ESRRG: variants seen among roughly 807,000 people sequenced by gnomAD.
The protein encoded by ESRRG is estrogen related receptor gamma, also known as estrogen-related receptor gamma.
A neutral mutation model predicts 44.0 loss-of-function variants in ESRRG; 13 were observed. The ratio of observed to expected loss-of-function variants is 0.30; its 90% CI spans 0.19 to 0.47. ESRRG has a LOEUF of 0.47. Among genes scored for constraint, ESRRG ranks in the 20% least tolerant of loss-of-function variants. ESRRG has a pLI of 1.00. For synonymous variants in ESRRG, 215 were observed against 214.6 expected, an observed-to-expected ratio of 1.00 and a Z score of -0.02; for missense variants, 395 against 580.6, an observed-to-expected ratio of 0.68 and a Z score of 3.29.
chr1:216,971,775 A>T (rs1456487589), intron 1 of ESRRG, among the ~76,000 whole-genome samples: 1 of 152,210 alleles, frequency 6.6e-6, no homozygotes, highest in Admixed American at 6.5e-5. Context: ...AGCTCAAAAC[A>T]CACACACATA....
At chr1:217,108,941 C>G (rs1443374736) in intron 1 of ESRRG, among the ~76,000 whole-genome samples, 1 of 152,072 alleles carries the variant, frequency 6.6e-6, no homozygotes, top group Admixed American at 6.6e-5. Flanking sequence ...AACAGCTGCA[C>G]CAGAGAGAAA....
At chr1:216,923,883 A>G (rs1002384693) in intron 2 of ESRRG, among the ~76,000 whole-genome samples, 1 of 152,220 alleles carries the variant, frequency 6.6e-6, no homozygotes, top group Non-Finnish European at 1.5e-5. Context: ...GCAGTGACTC[A>G]GCCATTACTG....
chr1:216,995,923 C>G (rs1203415749), intron 1 of ESRRG, among the ~76,000 whole-genome samples: 1 of 152,064 alleles, frequency 6.6e-6, no homozygotes, highest in African/African-American at 2.4e-5. Context: ...ACATAAAGAA[C>G]AGGACAGCAG....
intron 3 of ESRRG, among the ~76,000 whole-genome samples, chr1:216,643,890 C>T (rs1474208860): frequency 6.6e-6 from 1 of 152,094 alleles, no homozygotes; most frequent in Non-Finnish European, 1.5e-5. Context: ...TTTGTCCACC[C>T]ACCAAATAAG....
intron 3 of ESRRG, among the ~76,000 whole-genome samples, chr1:216,630,918 T>C (rs2064052726): frequency 6.6e-6 from 1 of 152,276 alleles, no homozygotes; most frequent in East Asian, 1.9e-4. Context: ...GAGTGAGATT[T>C]TTCATCAGAT....
intron 2 of ESRRG, among the ~76,000 whole-genome samples, chr1:216,789,580 G>A (rs776491406): frequency 5.9e-5 from 9 of 152,030 alleles, no homozygotes; most frequent in Admixed American, 2.6e-4. Flanking sequence ...CTTGATTGAC[G>A]TGGTCTGGAA....
intron 2 of ESRRG, among the ~76,000 whole-genome samples, chr1:216,926,740 A>G (rs886502081): frequency 6.6e-6 from 1 of 152,184 alleles, no homozygotes; most frequent in East Asian, 1.9e-4. Context: ...AAAGAAGCAT[A>G]TAATATTTCC....
intron 6 of ESRRG, among the ~76,000 whole-genome samples, chr1:216,511,856 A>G (rs898830421): frequency 6.6e-6 from 1 of 150,782 alleles, no homozygotes; most frequent in Non-Finnish European, 1.5e-5. Context: ...TTCAAAAAGG[A>G]TTATAATTGC....
At chr1:216,733,241 T>A (rs962379538) in intron 2 of ESRRG, among the ~76,000 whole-genome samples, 8 of 148,776 alleles carry the variant, frequency 5.4e-5, no homozygotes, top group African/African-American at 2.0e-4. Flanking sequence ...GCCTGCAGTA[T>A]AAGGGCATTT....
chr1:217,060,679 A>C (rs528752632), intron 1 of ESRRG, among the ~76,000 whole-genome samples: 1 of 152,198 alleles, frequency 6.6e-6, no homozygotes, highest in Non-Finnish European at 1.5e-5. Context: ...GTTTATCCTA[A>C]GATTTTTGCC....
chr1:217,135,949 C>G (rs953671015), intron 1 of ESRRG, among the ~76,000 whole-genome samples: 1 of 152,168 alleles, frequency 6.6e-6, no homozygotes, highest in Admixed American at 6.5e-5. Flanking sequence ...ACTCCCACCC[C>G]CGCCCCCTTT....
intron 1 of ESRRG, among the ~76,000 whole-genome samples, chr1:216,940,771 A>G (rs1193309234): frequency 6.6e-6 from 1 of 152,196 alleles, no homozygotes; most frequent in Non-Finnish European, 1.5e-5. Flanking sequence ...CTTTCTTTCA[A>G]GAATGAGGTT....
Position 216,869,699 on chromosome 1 carries a change from A to G in ESRRG, c.-14+69883T>C, listed in dbSNP as rs2818804. Among the ~76,000 whole-genome samples the G allele has an allele frequency of 2.1e-3, 326 of 152,132 alleles. 4 individuals are homozygous for G. The highest frequency in any genetic ancestry group is 7.7e-3 in the African/African-American group (318 of 41,534). ...ATGAACATAGTGTATGTCTCAATTT[A>G]TTTAGGTTAGATAGTCTGTGATTTA... On this transcript the variant is annotated intron_variant, in intron 2 of 7. Transcript: ENST00000359162.
At chr1:216,807,543 G>A (rs564470012) in intron 2 of ESRRG, among the ~76,000 whole-genome samples, 30 of 152,172 alleles carry the variant, frequency 2.0e-4, no homozygotes, top group African/African-American at 7.2e-4. Flanking sequence ...AGGGGGCAAT[G>A]TTTTTTCTTT....
At chr1:216,814,543 T>C (rs2095074976) in intron 2 of ESRRG, among the ~76,000 whole-genome samples, 1 of 152,252 alleles carries the variant, frequency 6.6e-6, no homozygotes, top group Non-Finnish European at 1.5e-5. Flanking sequence ...AGATTTCTCA[T>C]TTTCTATGCT....
At chr1:217,056,884 C>T (rs1423500500) in intron 1 of ESRRG, among the ~76,000 whole-genome samples, 3 of 151,944 alleles carry the variant, frequency 2.0e-5, no homozygotes, top group Non-Finnish European at 2.9e-5. Context: ...CATTGGGTAT[C>T]GATGGACCTG....
chr1:216,694,476 G>A (rs2079705452), intron 1 of ESRRG, among the ~76,000 whole-genome samples: 1 of 152,148 alleles, frequency 6.6e-6, no homozygotes, highest in Non-Finnish European at 1.5e-5. Flanking sequence ...GGAAGCTACT[G>A]AAGGTAACTA....
chr1:216,752,762 T>C (rs1044760643), intron 2 of ESRRG, among the ~76,000 whole-genome samples: 1 of 152,058 alleles, frequency 6.6e-6, no homozygotes, highest in African/African-American at 2.4e-5. Flanking sequence ...AGTGGCTGGG[T>C]CCCATCCATG....
intron 1 of ESRRG, among the ~76,000 whole-genome samples, chr1:216,715,836 T>C (rs1459976304): frequency 2.0e-5 from 3 of 152,084 alleles, no homozygotes; most frequent in African/African-American, 2.4e-5. Flanking sequence ...GAATCCTTTG[T>C]TCAAATTCTC....
Sources: allele counts gnomAD v4.1 joint callset (sites outside exome capture counted in the v4.1 genomes callset), GRCh38; gene constraint gnomAD v4.1.1; transcripts MANE v1.5; gene names NCBI Gene and HGNC (gene_info 2026-07-23, HGNC 2026-07-21).